Variants in NOP14 observed in about 807,000 individuals in gnomAD.
NOP14 encodes nucleolar protein 14.
Under a neutral mutation model 101.6 loss-of-function variants are expected in NOP14, and 57 were observed. That is an observed-to-expected ratio of 0.56 (90% CI 0.45 to 0.70). NOP14 has a LOEUF of 0.70. Among genes scored for constraint, NOP14 ranks in the 30% least tolerant of loss-of-function variants. The pLI is 0.00. For missense variants in NOP14, 1,134 were observed against 1,075.5 expected (o/e 1.05, Z -0.76); for synonymous variants, 428 against 424.0 (o/e 1.01, Z -0.12).
chr4:2,943,959 G>A lies in NOP14; in HGVS notation c.1891+114C>T, dbSNP rs1714417763. ...GGACAGACAGTGCGGCGGGTGGCAG[G>A]TTGTGTGTTTCCTCTACTTTCGCAT... On this transcript the variant is annotated intron_variant, in intron 13 of 17. Transcript: ENST00000416614. 7.3e-6 allele frequency: 6 copies of A among 824,890 alleles called. No homozygotes were observed. The Admixed American group carries it at 1.1e-4, about 15-fold the overall frequency. The allele number at this position is 824,890 out of a possible 1,614,324, so 51.1% of individuals were successfully genotyped here. A position where few individuals can be genotyped will look rare whatever the true frequency, so the allele number is the denominator to read the frequency against.
chr4:2,953,415 A>G, intron 5 of NOP14, 96 bp downstream of exon 5: 1 of 1,344,260 alleles, frequency 7.4e-7, no homozygotes, highest in Non-Finnish European at 1.0e-6. Flanking sequence ...TAAAGGAGAC[A>G]GGTAGAAGAG....
At chr4:2,946,978 C>T (rs1022554513) in intron 10 of NOP14, 88 of 231,592 alleles carry the variant, frequency 3.8e-4, no homozygotes, top group African/African-American at 2.0e-3. Flanking sequence ...GAAGCCAACA[C>T]ACGCCTCTCA....
At chr4:2,941,399 G>T in intron 15 of NOP14, 183 bp downstream of exon 15, 2 of 617,532 alleles carry the variant, frequency 3.2e-6, no homozygotes, top group South Asian at 1.9e-5. Context: ...CTTTACTCCA[G>T]CCCAGCACTG....
In NOP14 at chr4:2,953,430, C is replaced by T. The variant is rs74746190; in HGVS notation, c.747+81G>A. Reference sequence around the variant, plus strand: ...TAAAGGAGACAGGTAGAAGAGCCGTCCAGCCCCAGCCCTTTCTCTGGAGAA... The same window carrying T: ...TAAAGGAGACAGGTAGAAGAGCCGTTCAGCCCCAGCCCTTTCTCTGGAGAA... On this transcript the variant is annotated intron_variant, in intron 5 of 17. Coordinates refer to ENST00000416614, the MANE Select transcript of NOP14 (RefSeq NM_001291978.2). 1.9e-4 allele frequency: 293 copies of T among 1,516,692 alleles called. 2 individuals are homozygous for T. In the African/African-American group the frequency reaches 3.8e-3, roughly 20 times the overall value. 94.0% of individuals were successfully genotyped at this position (1,516,692 alleles called of 1,614,324 possible).
chr4:2,957,472 C>G (rs567027448), intron 2 of NOP14, 134 bp downstream of exon 2: 1 of 1,036,810 alleles, frequency 9.6e-7, no homozygotes, highest in African/African-American at 1.6e-5. Context: ...AGATAAGGCA[C>G]AGGATTCGAG....
rs186423173 is a variant in NOP14, at chr4:2,949,987, C to T, written c.1229G>A (p.Gly410Asp). ...GGTAGCTTTTCCAGCTCTTTCCTTG[C>T]CGCTTATCAACCCTTTCCCAGGAGT... is the stretch of plus-strand genomic sequence containing the variant. ...RQTPGKGLISGKERAGKATRD... is the reference protein window; with the variant it reads ...RQTPGKGLISDKERAGKATRD... The change falls in exon 8 of 18, where the codon GGC (glycine) becomes GAC (aspartate). Residue 410 changes from glycine to aspartate, a missense_variant. Gly to Asp is a moderately conservative substitution (Grantham distance 94, BLOSUM62 -1). Transcript: ENST00000416614. 5 of 1,614,182 alleles carry T rather than the reference C, an allele frequency of 3.1e-6. No individual in the cohort carries two copies. In the African/African-American group the frequency reaches 5.3e-5, roughly 17 times the overall value.
intron 1 of NOP14, among the ~76,000 whole-genome samples, chr4:2,962,177 T>C (rs1716035294): frequency 6.6e-6 from 1 of 152,146 alleles, no homozygotes; most frequent in Non-Finnish European, 1.5e-5. Flanking sequence ...CCACGAGGGG[T>C]AGGATGTATA....
chr4:2,946,784 G>A, intron 10 of NOP14: 1 of 524,000 alleles, frequency 1.9e-6, no homozygotes, highest in Non-Finnish European at 3.4e-6. Flanking sequence ...TTGTGGTACA[G>A]ACGTTGTTGG....
chr4:2,953,175 A>T (rs1207474361), intron 5 of NOP14, among the ~76,000 whole-genome samples: 2 of 152,254 alleles, frequency 1.3e-5, no homozygotes, highest in Non-Finnish European at 2.9e-5. Flanking sequence ...AGGCAAAAAT[A>T]AGTAAATGTA....
chr4:2,957,569 T>C (rs763742082), intron 2 of NOP14, 37 bp downstream of exon 2: 1 of 1,610,156 alleles, frequency 6.2e-7, no homozygotes, highest in South Asian at 1.1e-5. Context: ...CCCTGTGAAA[T>C]GTACAGCAAA....
At position 2,938,569 on chromosome 4, in the gene NOP14, C is replaced by T. The variant is rs963527276; in HGVS notation, c.*262G>A. The T allele has an allele frequency of 3.3e-5, 16 of 489,208 alleles. No homozygotes were observed. The highest frequency in any genetic ancestry group is 4.0e-5 in the Non-Finnish European group (11 of 273,010). 30.3% of individuals were successfully genotyped at this position (489,208 alleles called of 1,614,324 possible). A position where few individuals can be genotyped will look rare whatever the true frequency, so the allele number is the denominator to read the frequency against. ...TGTGGCCGAGGCTGGAGTGCAGTGG[C>T]TCAATCACGGCTCACTGTAACCTTG... On this transcript the variant is annotated 3_prime_UTR_variant, in exon 18 of 18. Transcript: ENST00000416614.
intron 1 of NOP14, among the ~76,000 whole-genome samples, chr4:2,960,910 AATATTATATC>A (rs1560311223): frequency 2.8e-5 from 2 of 71,594 alleles, no homozygotes; most frequent in African/African-American, 5.2e-5. Context: ...ATATTATATT[AATATTATATC>A]GATATTATTT....
In NOP14 at chr4:2,942,238, C is replaced by G. The variant is rs151173699; in HGVS notation, c.2005G>C (p.Ala669Pro). 3.1e-6 allele frequency: 5 copies of G among 1,614,072 alleles called. No individual in the cohort carries two copies. The highest frequency in any genetic ancestry group is 4.2e-6 in the Non-Finnish European group (5 of 1,180,036). ...WQQSSLSLRW[A>P]SRLRAPTSTE... ...GAAGTTGGGGCCCTCAGTCTACTCG[C>G]CCAGCGGAGGGAGAGGCTGCTCTGC... The change falls in exon 14 of 18, where the codon GCG becomes CCG. Residue 669 changes from alanine to proline, a missense_variant. By Grantham distance (27) the Ala-to-Pro change is conservative. Coordinates refer to ENST00000416614, the MANE Select transcript of NOP14 (RefSeq NM_001291978.2).
intron 15 of NOP14, chr4:2,940,838 G>C (rs559713702): frequency 6.5e-6 from 1 of 152,850 alleles, no homozygotes; most frequent in African/African-American, 2.4e-5. Context: ...CTCCAGAGAC[G>C]AAGCCAGGCC....
At position 2,963,381 on chromosome 4, in the gene NOP14, T is replaced by G; in HGVS notation, c.-62A>C. ...GAAGAGAGACAGGCGCGCGCTACCC[T>G]AAGACACGTGCCGGGCCGCGGAACC... is the stretch of plus-strand genomic sequence containing the variant. On this transcript the variant is annotated 5_prime_UTR_variant, in exon 1 of 18. Coordinates refer to ENST00000416614, the MANE Select transcript of NOP14 (RefSeq NM_001291978.2). The G allele has an allele frequency of 2.8e-6, 4 of 1,448,888 alleles. No homozygotes were observed. The highest frequency in any genetic ancestry group is 3.6e-6 in the Non-Finnish European group (4 of 1,102,684). The allele number at this position is 1,448,888 out of a possible 1,614,324, so 89.8% of individuals were successfully genotyped here. A position where few individuals can be genotyped will look rare whatever the true frequency, so the allele number is the denominator to read the frequency against.
Position 2,949,944 on chromosome 4 carries a change from G to C in NOP14, c.1272C>G (p.Tyr424Ter). Residue 424 changes from tyrosine to a stop codon, truncating the protein, a stop_gained, in exon 8 of 18, where the codon TAC becomes TAG. Transcript: ENST00000416614. LOFTEE classifies it high-confidence loss of function. ...CGCGCACTTGCCCACCTGCGAACGT[G>C]TAGGGCAGCTCGTCTCTGGTAGCTT... ...AGKATRDELP[Y>*]TFAAPESYEE... 1 of 1,614,210 alleles carries C rather than the reference G, an allele frequency of 6.2e-7. No individual in the cohort carries two copies. Among genetic ancestry groups the C allele is most frequent in the Non-Finnish European group, 8.5e-7 (1 of 1,180,032 alleles).
chr4:2,952,211 T>G, intron 6 of NOP14, 64 bp downstream of exon 6: 2 of 1,570,058 alleles, frequency 1.3e-6, no homozygotes, highest in Non-Finnish European at 1.7e-6. Flanking sequence ...TCCTGCAAAA[T>G]GGAGCAGAAG....
intron 11 of NOP14, 145 bp downstream of exon 11, chr4:2,946,267 G>A (rs1028798486): frequency 1.2e-6 from 1 of 845,550 alleles, no homozygotes; most frequent in African/African-American, 1.7e-5. Context: ...TCTCACTCCA[G>A]ATCACCCTCG....
chr4:2,941,365 C>T (rs527443370), intron 15 of NOP14: 114 of 555,730 alleles, frequency 2.1e-4, no homozygotes, highest in Non-Finnish European at 2.8e-4. Context: ...CAGTTCCCAG[C>T]TGCCGCCTGA....
Sources: allele counts gnomAD v4.1 joint callset (sites outside exome capture counted in the v4.1 genomes callset), GRCh38; gene constraint gnomAD v4.1.1; transcripts MANE v1.5; gene names NCBI Gene and HGNC (gene_info 2026-07-23, HGNC 2026-07-21).